Variants in THRB observed in about 807,000 individuals in gnomAD.
THRB encodes the protein nuclear receptor subfamily 1 group A member 2.
A neutral mutation model predicts 47.8 loss-of-function variants in THRB; 12 were observed. The ratio of observed to expected loss-of-function variants is 0.25; its 90% CI spans 0.16 to 0.41. The LOEUF (loss-of-function observed/expected upper bound fraction) is 0.41, where lower values mean the gene tolerates loss of function less well. THRB is among the 10% of genes least tolerant of loss of function. The probability of loss-of-function intolerance (pLI) is 1.00; values close to 1 mark genes in which losing one functional copy is unlikely to be tolerated. For synonymous variants in THRB, 218 were observed against 212.2 expected, an observed-to-expected ratio of 1.03 and a Z score of -0.24; for missense variants, 348 against 589.2, an observed-to-expected ratio of 0.59 and a Z score of 4.24.
At chr3:24,155,298 A>G (rs2149144825) in intron 5 of THRB, among the ~76,000 whole-genome samples, 1 of 152,294 alleles carries the variant, frequency 6.6e-6, no homozygotes, top group East Asian at 1.9e-4. Context: ...AAATGACTTT[A>G]GTTAAATCAT....
chr3:24,397,674 C>T (rs1247621854), intron 1 of THRB, among the ~76,000 whole-genome samples: 1 of 151,332 alleles, frequency 6.6e-6, no homozygotes, highest in African/African-American at 2.4e-5. Context: ...TATCTGCCTC[C>T]TGGGTTCAAG....
intron 2 of THRB, among the ~76,000 whole-genome samples, chr3:24,321,396 T>C (rs1280586574): frequency 3.3e-5 from 5 of 152,022 alleles, no homozygotes; most frequent in Non-Finnish European, 5.9e-5. Context: ...ATAGTACTAA[T>C]TTTTTTTACA....
intron 1 of THRB, among the ~76,000 whole-genome samples, chr3:24,492,001 G>A (rs762841084): frequency 6.6e-6 from 1 of 152,220 alleles, no homozygotes; most frequent in Non-Finnish European, 1.5e-5. Context: ...AAGAAAGAGA[G>A]AGAGAGAAAA....
At chr3:24,364,993 T>G (rs2064351844) in intron 1 of THRB, among the ~76,000 whole-genome samples, 1 of 152,204 alleles carries the variant, frequency 6.6e-6, no homozygotes, top group South Asian at 2.1e-4. Flanking sequence ...TCTTATGCAC[T>G]TATATGTTAC....
intron 2 of THRB, among the ~76,000 whole-genome samples, chr3:24,325,742 C>A (rs566294122): frequency 2.0e-5 from 3 of 152,340 alleles, no homozygotes; most frequent in South Asian, 2.1e-4. Context: ...CTAAATATAA[C>A]AATCCCTGCC....
chr3:24,347,280 T>C (rs989229009), intron 1 of THRB, among the ~76,000 whole-genome samples: 3 of 151,732 alleles, frequency 2.0e-5, no homozygotes, highest in Admixed American at 2.0e-4. Context: ...AATGCATGTA[T>C]CAGAAAAAAT....
intron 5 of THRB, among the ~76,000 whole-genome samples, chr3:24,185,470 A>G (rs1032336271): frequency 6.6e-6 from 1 of 152,190 alleles, no homozygotes; most frequent in African/African-American, 2.4e-5. Context: ...ATGAACATAT[A>G]TAGGCTTTTA....
intron 4 of THRB, among the ~76,000 whole-genome samples, chr3:24,195,690 C>G (rs12632084): frequency 0.016 from 2,378 of 152,342 alleles, 52 homozygotes; most frequent in African/African-American, 0.046. Context: ...TGGCTGAGCT[C>G]CTCACCCATG....
intron 4 of THRB, among the ~76,000 whole-genome samples, chr3:24,200,003 T>A (rs565126088): frequency 5.9e-5 from 9 of 152,328 alleles, no homozygotes; most frequent in South Asian, 2.1e-4. Context: ...TCATTTGATT[T>A]TCCATAATTC....
chr3:24,210,607 A>T (rs1365776479), intron 4 of THRB, among the ~76,000 whole-genome samples: 1 of 152,150 alleles, frequency 6.6e-6, no homozygotes, highest in Non-Finnish European at 1.5e-5. Context: ...TGAGACTGAG[A>T]AACTGTGAGG....
At chr3:24,342,854 G>A (rs1488042963) in intron 1 of THRB, among the ~76,000 whole-genome samples, 1 of 152,190 alleles carries the variant, frequency 6.6e-6, no homozygotes, top group Non-Finnish European at 1.5e-5. Context: ...AACTATAGGA[G>A]CGAAGTGCAG....
At chr3:24,279,545 T>C (rs1224802771) in intron 3 of THRB, among the ~76,000 whole-genome samples, 3 of 136,040 alleles carry the variant, frequency 2.2e-5, no homozygotes, top group African/African-American at 8.1e-5. Context: ...CCACCACGGC[T>C]GGCTAATTTT....
chr3:24,433,854 C>T (rs1189479280), intron 1 of THRB, among the ~76,000 whole-genome samples: 1 of 152,038 alleles, frequency 6.6e-6, no homozygotes, highest in Non-Finnish European at 1.5e-5. Flanking sequence ...GGGAAAAGAC[C>T]CTGGATGGGA....
rs375726930 is a variant in THRB, at chr3:24,265,913, CAA to C, written c.-43+31311_-43+31312del. On this transcript the variant is annotated intron_variant, in intron 3 of 10. Transcript: ENST00000646209. ...TTTTTAAGAACTATGCACAGATAAGCAAATTAGTATAAGAATATCAAAAATAA... is the reference window on the plus strand; with the variant it reads ...TTTTTAAGAACTATGCACAGATAAGCATTAGTATAAGAATATCAAAAATAA... Among the ~76,000 whole-genome samples, 90 of 152,034 alleles carry C rather than the reference CAA, an allele frequency of 5.9e-4. 2 individuals are homozygous for C. In the East Asian group the frequency reaches 0.015, roughly 26 times the overall value.
chr3:24,226,215 T>A (rs851718), intron 4 of THRB, among the ~76,000 whole-genome samples: 109,293 of 152,126 alleles, frequency 0.72, 40,526 homozygotes, highest in African/African-American at 0.9. Flanking sequence ...TTATCTATTA[T>A]GCTTTTCAAA....
At chr3:24,361,389 G>C (rs1350765239) in intron 1 of THRB, among the ~76,000 whole-genome samples, 1 of 152,122 alleles carries the variant, frequency 6.6e-6, no homozygotes, top group African/African-American at 2.4e-5. Context: ...CCAAAATAGA[G>C]ATTGTGAAGT....
chr3:24,431,693 T>C (rs987992647), intron 1 of THRB, among the ~76,000 whole-genome samples: 1 of 152,106 alleles, frequency 6.6e-6, no homozygotes, highest in Admixed American at 6.6e-5. Context: ...AGTAGCTTTA[T>C]TTGTAATAGC....
intron 1 of THRB, among the ~76,000 whole-genome samples, chr3:24,492,851 A>G (rs1457181856): frequency 6.6e-6 from 1 of 152,244 alleles, no homozygotes. Flanking sequence ...TGTAATGCCA[A>G]CAGGAATTAT....
rs540627768 is a variant in THRB at position 24,405,795 on chromosome 3, G to A, written c.-260-68424C>T. On this transcript the variant is annotated intron_variant, in intron 1 of 10. Transcript: ENST00000646209. ...GAATCGCCCAGTAATTTTTATTTCA[G>A]TTGCATTAAATTGTTGGATTACTTT... Among the ~76,000 whole-genome samples the A allele has an allele frequency of 5.3e-5, 8 of 151,266 alleles. No individual in the cohort carries two copies. The South Asian group carries it at 1.5e-3, about 28-fold the overall frequency.
Sources: gnomAD v4.1 joint callset for allele counts (sites outside exome capture counted in the v4.1 genomes callset) on GRCh38, gnomAD v4.1.1 for gene constraint, MANE v1.5 for transcripts, NCBI Gene and HGNC (gene_info 2026-07-23, HGNC 2026-07-21) for gene names.